The following TTN variants were observed in gnomAD, a reference collection of about 807,000 sequenced individuals.
The protein encoded by TTN is titin.
In TTN, 1,525 loss-of-function variants were observed where a neutral mutation model predicts 3,223.0. The observed-to-expected ratio is 0.47, with a 90% CI of 0.45 to 0.49. The LOEUF (loss-of-function observed/expected upper bound fraction) is 0.49. TTN is among the 20% of genes least tolerant of loss of function. The probability of loss-of-function intolerance (pLI) is 0.00; values close to 1 mark genes in which losing one functional copy is unlikely to be tolerated. For synonymous variants in TTN, 14,094 were observed against 15,161.0 expected, an observed-to-expected ratio of 0.93 and a Z score of 5.17; for missense variants, 40,786 against 43,424.0, an observed-to-expected ratio of 0.94 and a Z score of 5.40.
chr2:178,587,456 A>T (rs751621996), intron 306 of TTN, 39 bp from the exon 307 acceptor site: 1 of 1,603,190 alleles, frequency 6.2e-7, no homozygotes, highest in Admixed American at 1.7e-5. Context: ...ATGTCTCCTC[A>T]GCATCCCTAT....
At position 178,564,084 on chromosome 2, in the gene TTN, T is replaced by G; in HGVS notation, c.82048A>C (p.Lys27350Gln). ...IRTDGGQYIL[K>Q]LSNVGGTKSI... ...TTTGTACCACCAACATTGCTGAGTT[T>G]CAGAATATATTGTCCTCCATCAGTC... Residue 27350 changes from lysine (K) to glutamine (Q), a missense_variant, in exon 326 of 363, where the codon AAA (lysine) becomes CAA (glutamine). Transcript: ENST00000589042. The G allele has an allele frequency of 6.2e-7, 1 of 1,613,792 alleles. No individual in the cohort carries two copies. The highest frequency in any genetic ancestry group is 8.5e-7 in the Non-Finnish European group (1 of 1,179,746).
In TTN at chr2:178,566,525, A is replaced by G. The variant is rs371134175; in HGVS notation, c.79607T>C (p.Ile26536Thr). The part of the protein sequence containing the change: ...ICKADEEEWQ[I>T]VTPQTGLRVT... ...TCTCAGGCCAGTCTGTGGAGTAACT[A>G]TTTGCCATTCTTCTTCATCTGCTTT... Residue 26536 changes from isoleucine to threonine, a missense_variant, in exon 326 of 363, where the codon ATA becomes ACA. Transcript: ENST00000589042. The G allele has an allele frequency of 1.9e-6, 3 of 1,613,286 alleles. No individual in the cohort carries two copies. Among genetic ancestry groups the G allele is most frequent in the African/African-American group, 2.7e-5 (2 of 74,868 alleles).
rs377618488 is a variant in TTN at position 178,566,977 on chromosome 2, C to T, written c.79155G>A (p.Val26385=). ...SAPVLMKNPF[V]LPGPPKSLEV... ...CCAAGCTTTTTGGTGGTCCAGGAAG[C>T]ACAAATGGATTTTTCATTAGTACTG... Residue 26385 remains valine (V), a synonymous_variant, in exon 326 of 363, where the codon GTG becomes GTA. Transcript: ENST00000589042. The T allele has an allele frequency of 1.0e-4, 161 of 1,613,432 alleles. No homozygotes were observed. Among genetic ancestry groups the T allele is most frequent in the Non-Finnish European group, 1.2e-4 (144 of 1,179,672 alleles).
rs1690579265 is a variant in TTN, at chr2:178,534,503, C to T, written c.102112G>A (p.Ala34038Thr). Residue 34038 changes from alanine (A) to threonine (T), a missense_variant, in exon 358 of 363, where the codon GCA becomes ACA. Physicochemically the swap from Ala to Thr is moderately conservative, Grantham distance 58 (BLOSUM62 0). Transcript: ENST00000589042. ...MNAEYTFDEE[A>T]FKEISIEAMD... ...GCTTCAATGCTAATCTCTTTGAATG[C>T]TTCCTCATCGAAAGTATATTCAGCA... 6.2e-7 allele frequency: 1 copy of T among 1,613,768 alleles called. No individual in the cohort carries two copies. Among genetic ancestry groups the T allele is most frequent in the Non-Finnish European group, 8.5e-7 (1 of 1,179,806 alleles).
chr2:178,558,379 C>T lies in TTN; in HGVS notation c.87080G>A (p.Arg29027Lys), dbSNP rs763879330. 5 of 1,613,600 alleles carry T rather than the reference C, an allele frequency of 3.1e-6. No homozygotes were observed. The highest frequency in any genetic ancestry group is 1.1e-5 in the South Asian group (1 of 91,060). The change falls in exon 327 of 363, where the codon AGA (arginine) becomes AAA (lysine). Residue 29027 changes from arginine (R) to lysine (K), a missense_variant. Coordinates refer to ENST00000589042, the MANE Select transcript of TTN (RefSeq NM_001267550.2). ...AENQAGLSDP[R>K]ELLLPVLIKE... Reference sequence around the variant, plus strand: ...AATAAGAACAGGAAGCAGAAGCTCTCTCGGGTCACTCAGGCCAGCTTGATT... The same window carrying T: ...AATAAGAACAGGAAGCAGAAGCTCTTTCGGGTCACTCAGGCCAGCTTGATT...
Position 178,590,702 on chromosome 2 carries a change from A to G in TTN, c.61023T>C (p.Tyr20341=), listed in dbSNP as rs778959517. ...RVTGLYEGNT[Y]EFRVFAENLA... is the part of the protein sequence containing the mutation. ...GATTTTCAGCAAAAACTCTAAACTC[A>G]TATGTATTTCCTTCATAGAGTCCAG... The change falls in exon 304 of 363, where the codon TAT becomes TAC. Residue 20341 remains tyrosine, a synonymous_variant. Transcript: ENST00000589042. 14 of 1,612,992 alleles carry G rather than the reference A, an allele frequency of 8.7e-6. No homozygotes were observed. The highest frequency in any genetic ancestry group is 3.3e-5 in the Admixed American group (2 of 59,926).
At chr2:178,755,256 A>G (rs1209774259) in intron 46 of TTN, among the ~76,000 whole-genome samples, 4 of 152,194 alleles carry the variant, frequency 2.6e-5, no homozygotes, top group African/African-American at 9.7e-5. Context: ...CTGCTCTTCC[A>G]GACATAATGG....
In TTN at chr2:178,800,423, A is replaced by G. The variant is rs1282915177; in HGVS notation, c.555T>C (p.Ala185=). ...SVNATNSVGR[A]TSTAELLVQG... is the part of the protein sequence containing the mutation. ...GAACCAGTAATTCAGCAGTCGAAGTAGCTCTTCCAACGCTATTGGTGGCAT... is the reference window on the plus strand; with the variant it reads ...GAACCAGTAATTCAGCAGTCGAAGTGGCTCTTCCAACGCTATTGGTGGCAT... The change falls in exon 4 of 363, where the codon GCT becomes GCC. Residue 185 remains alanine (A), a synonymous_variant. Coordinates refer to ENST00000589042, the MANE Select transcript of TTN (RefSeq NM_001267550.2). The G allele has an allele frequency of 6.2e-7, 1 of 1,614,040 alleles. No homozygotes were observed. Among genetic ancestry groups the G allele is most frequent in the African/African-American group, 1.3e-5 (1 of 74,930 alleles).
rs776113871 is a variant in TTN at position 178,572,373 on chromosome 2, A to G, written c.73759T>C (p.Cys24587Arg). 3.7e-6 allele frequency: 6 copies of G among 1,613,070 alleles called. No homozygotes were observed. The Admixed American group carries it at 6.7e-5, about 18-fold the overall frequency. Residue 24587 changes from cysteine (C) to arginine (R), a missense_variant, in exon 326 of 363, where the codon TGT becomes CGT. Physicochemically the swap from Cys to Arg is radical, Grantham distance 180. Coordinates refer to ENST00000589042, the MANE Select transcript of TTN (RefSeq NM_001267550.2). ...SWKVDQLQEGCSYYFRVLAEN... is the reference protein window; with the variant it reads ...SWKVDQLQEGRSYYFRVLAEN... ...GCGAGAACCCTGAAATAGTAGCTACAGCCTTCTTGAAGCTGGTCTACCTTC... is the reference window on the plus strand; with the variant it reads ...GCGAGAACCCTGAAATAGTAGCTACGGCCTTCTTGAAGCTGGTCTACCTTC...
At position 178,576,225 on chromosome 2, in the gene TTN, C is replaced by G; in HGVS notation, c.69907G>C (p.Val23303Leu). 6.2e-7 allele frequency: 1 copy of G among 1,612,894 alleles called. No individual in the cohort carries two copies. Among genetic ancestry groups the G allele is most frequent in the Non-Finnish European group, 8.5e-7 (1 of 1,179,394 alleles). ...GTALRITQFVVPDLQTKEKYN... is the reference protein window; with the variant it reads ...GTALRITQFVLPDLQTKEKYN... Reference sequence around the variant, plus strand: ...TTTTCTTTAGTCTGAAGATCAGGAACAACGAACTGAGTGATTCTGAGGGCG... The same window carrying G: ...TTTTCTTTAGTCTGAAGATCAGGAAGAACGAACTGAGTGATTCTGAGGGCG... The change falls in exon 326 of 363, where the codon GTT becomes CTT. Residue 23303 changes from valine (V) to leucine (L), a missense_variant. Val to Leu is a conservative substitution (Grantham distance 32, BLOSUM62 1). Coordinates refer to ENST00000589042, the MANE Select transcript of TTN (RefSeq NM_001267550.2). This position sits in a 1 kb window ranked among gnomAD's most constrained non-coding sequence, Gnocchi z 4.3.
intron 336 of TTN, chr2:178,550,614 G>T (rs1209342157): frequency 4.9e-6 from 2 of 408,094 alleles, no homozygotes; most frequent in Admixed American, 8.7e-5. Flanking sequence ...CAAGCAAGGG[G>T]ATGATTGTGT....
In TTN at chr2:178,568,929, C is replaced by T. The variant is rs369532567; in HGVS notation, c.77203G>A (p.Val25735Met). The T allele has an allele frequency of 1.2e-6, 2 of 1,613,310 alleles. No individual in the cohort carries two copies. Among genetic ancestry groups the T allele is most frequent in the Non-Finnish European group, 1.7e-6 (2 of 1,179,596 alleles). ...TCACTGTGTTTAGCTTGCATTTCCACAATATACTGAATGATTTTACTGCCA... is the reference window on the plus strand; with the variant it reads ...TCACTGTGTTTAGCTTGCATTTCCATAATATACTGAATGATTTTACTGCCA... ...DGGSKIIQYI[V>M]EMQAKHSEKW... is the part of the protein sequence containing the mutation. The change falls in exon 326 of 363, where the codon GTG becomes ATG. Residue 25735 changes from valine (V) to methionine (M), a missense_variant. Coordinates refer to ENST00000589042, the MANE Select transcript of TTN (RefSeq NM_001267550.2).
At position 178,549,175 on chromosome 2, in the gene TTN, C is replaced by A. The variant is rs397517755; in HGVS notation, c.92451G>T (p.Glu30817Asp). Reference protein sequence around the residue: ...SGISRLIKCREPVNPPGPPTV... With the variant: ...SGISRLIKCRDPVNPPGPPTV... ...TGGGAGGACCTGGTGGGTTGACGGG[C>A]TCTCTACATTTAATGAGTCTTGAGA... The change falls in exon 339 of 363, where the codon GAG (glutamate) becomes GAT (aspartate). Residue 30817 changes from glutamate to aspartate, a missense_variant. Glu to Asp is a conservative substitution (Grantham distance 45, BLOSUM62 2). Transcript: ENST00000589042. 7.1e-5 allele frequency: 115 copies of A among 1,613,648 alleles called. No homozygotes were observed. Among genetic ancestry groups the A allele is most frequent in the Non-Finnish European group, 9.5e-5 (112 of 1,179,818 alleles).
In TTN at chr2:178,583,846, G is replaced by A. The variant is rs758250372; in HGVS notation, c.65336C>T (p.Ala21779Val). The change falls in exon 312 of 363, where the codon GCT becomes GTT. Residue 21779 changes from alanine to valine, a missense_variant. Transcript: ENST00000589042. ...ACTGCCTCCATCATGCTTTGGACGA[G>A]CCCAGATCAGAGATACAGTACTCTT... ...VTKSTVSLIW[A>V]RPKHDGGSKI... 8.7e-6 allele frequency: 14 copies of A among 1,608,466 alleles called. No individual in the cohort carries two copies. The highest frequency in any genetic ancestry group is 8.5e-6 in the Non-Finnish European group (10 of 1,177,298).
In TTN at chr2:178,735,629, T is replaced by G; in HGVS notation, c.14817A>C (p.Glu4939Asp). Residue 4939 changes from glutamate (E) to aspartate (D), a missense_variant, in exon 50 of 363, where the codon GAA (glutamate) becomes GAC (aspartate). Transcript: ENST00000589042. ...GAATCTCAAGTGTTGCTATTTTATC[T>G]TCAAAACAGATCTTATAATCTTTCC... ...PPGKDYKICF[E>D]DKIATLEIPL... 6.2e-7 allele frequency: 1 copy of G among 1,613,740 alleles called. No individual in the cohort carries two copies. Among genetic ancestry groups the G allele is most frequent in the Non-Finnish European group, 8.5e-7 (1 of 1,179,780 alleles).
chr2:178,735,040 T>G (rs1482016944), intron 50 of TTN, 52 bp from the exon 51 acceptor site: 2 of 1,469,210 alleles, frequency 1.4e-6, no homozygotes, highest in Non-Finnish European at 1.8e-6. Context: ...AAACATAAAC[T>G]CCGCAAAAGA....
rs372132740 is a variant in TTN at position 178,545,985 on chromosome 2, T to A, written c.95251A>T (p.Ser31751Cys). 1.9e-6 allele frequency: 3 copies of A among 1,613,722 alleles called. No homozygotes were observed. Among genetic ancestry groups the A allele is most frequent in the Non-Finnish European group, 2.5e-6 (3 of 1,179,802 alleles). Residue 31751 changes from serine to cysteine, a missense_variant, in exon 343 of 363, where the codon AGC (serine) becomes TGC (cysteine). By Grantham distance (112) the Ser-to-Cys change is moderately radical (BLOSUM62 -1). Coordinates refer to ENST00000589042, the MANE Select transcript of TTN (RefSeq NM_001267550.2). ...THYIVERRETSRLNWVIVEGE... is the reference protein window; with the variant it reads ...THYIVERRETCRLNWVIVEGE... ...TCAACAATCACCCAGTTGAGCCTGC[T>A]AGTCTCGCGTCTTTCCACGATGTAG...
intron 8 of TTN, 59 bp from the exon 9 acceptor site, chr2:178,793,600 C>A: frequency 6.2e-7 from 1 of 1,605,428 alleles, no homozygotes; most frequent in Non-Finnish European, 8.5e-7. Flanking sequence ...AAAATTAGTT[C>A]AAGACCAGCC....
intron 47 of TTN, chr2:178,750,315 T>G (rs2085079422): frequency 6.2e-6 from 10 of 1,613,300 alleles, no homozygotes; most frequent in Admixed American, 1.7e-5. Flanking sequence ...TTAAGCATAC[T>G]GGTTGTTTTT....
Sources: allele counts gnomAD v4.1 joint callset (sites outside exome capture counted in the v4.1 genomes callset), GRCh38; gene constraint gnomAD v4.1.1; non-coding constraint Gnocchi (gnomAD v3.1); transcripts MANE v1.5; gene names NCBI Gene and HGNC (gene_info 2026-07-23, HGNC 2026-07-21).